SDK1: variants seen among roughly 807,000 people sequenced by gnomAD.
The protein encoded by SDK1 is sidekick cell adhesion molecule 1.
In SDK1, 157 loss-of-function variants were observed where a neutral mutation model predicts 245.5. The ratio of observed to expected loss-of-function variants is 0.64; its 90% CI spans 0.56 to 0.73. The LOEUF is 0.73. Among genes scored for constraint, SDK1 ranks in the 30% least tolerant of loss-of-function variants. SDK1 has a pLI of 0.00. For missense variants in SDK1, 3,583 were observed against 3,002.3 expected (o/e 1.19, Z -4.52); for synonymous variants, 1,647 against 1,278.5 (o/e 1.29, Z -6.15).
chr7:3,425,255 C>T (rs1018405763), intron 1 of SDK1, among the ~76,000 whole-genome samples: 1 of 152,012 alleles, frequency 6.6e-6, no homozygotes, highest in African/African-American at 2.4e-5. Flanking sequence ...TCCTATGGCA[C>T]TGATTTACAC....
intron 5 of SDK1, among the ~76,000 whole-genome samples, chr7:3,942,592 T>TAA (rs11394376): frequency 1.4e-4 from 22 of 152,036 alleles, no homozygotes; most frequent in Admixed American, 3.3e-4. Context: ...GTGTGTGTTT[T>TAA]AAAAAAATGT....
intron 1 of SDK1, among the ~76,000 whole-genome samples, chr7:3,612,786 C>A (rs1256963958): frequency 6.6e-6 from 1 of 152,148 alleles, no homozygotes; most frequent in Non-Finnish European, 1.5e-5. Context: ...ACTCCATTCA[C>A]ACTGGCATTC....
At chr7:4,120,663 C>A (rs555862139) in intron 25 of SDK1, among the ~76,000 whole-genome samples, 3 of 150,952 alleles carry the variant, frequency 2.0e-5, no homozygotes, top group Non-Finnish European at 3.0e-5. Flanking sequence ...GTCACCTGGG[C>A]TGGAGTGCAG....
At chr7:3,596,764 C>G (rs1781081098) in intron 1 of SDK1, among the ~76,000 whole-genome samples, 1 of 152,190 alleles carries the variant, frequency 6.6e-6, no homozygotes, top group Non-Finnish European at 1.5e-5. Flanking sequence ...AAGACTAATT[C>G]TGGAATCAGA....
intron 1 of SDK1, among the ~76,000 whole-genome samples, chr7:3,368,134 A>C (rs1236519592): frequency 6.6e-6 from 1 of 152,234 alleles, no homozygotes; most frequent in Non-Finnish European, 1.5e-5. Context: ...AATTAGTCCT[A>C]GTAATAATGG....
intron 14 of SDK1, among the ~76,000 whole-genome samples, chr7:3,997,876 C>T (rs1164848875): frequency 6.6e-6 from 1 of 152,200 alleles, no homozygotes; most frequent in African/African-American, 2.4e-5. Flanking sequence ...CTCATGCTCG[C>T]CCTGACTTTG....
chr7:4,042,876 T>A (rs1788733668), intron 17 of SDK1, among the ~76,000 whole-genome samples: 3 of 152,244 alleles, frequency 2.0e-5, no homozygotes, highest in Admixed American at 2.0e-4. Flanking sequence ...CATTTTTAAT[T>A]CCATTGTCCA....
chr7:3,405,389 G>A lies in SDK1; in HGVS notation c.298+103505G>A, dbSNP rs185541062. On this transcript the variant is annotated intron_variant, in intron 1 of 44. Coordinates refer to ENST00000404826, the MANE Select transcript of SDK1 (RefSeq NM_152744.4). The stretch of plus-strand genomic sequence containing the variant: ...GAGCACAGATTTTAAACACTGAAGT[G>A]CCCAAGTTGCATGCAAACAGGCTGT... 1.2e-3 allele frequency among the ~76,000 whole-genome samples: 189 copies of A among 152,188 alleles called. 1 individual carries two copies. The highest frequency in any genetic ancestry group is 4.4e-3 in the African/African-American group (181 of 41,538).
Position 4,266,767 on chromosome 7 carries a change from A to G in SDK1, c.*1383A>G. The G allele has an allele frequency of 1.0e-6, 1 of 985,428 alleles. No homozygotes were observed. Among genetic ancestry groups the G allele is most frequent in the Non-Finnish European group, 1.2e-6 (1 of 829,936 alleles). 61.0% of individuals were successfully genotyped at this position (985,428 alleles called of 1,614,324 possible). A position where few individuals can be genotyped will look rare whatever the true frequency, so the allele number is the denominator to read the frequency against. On this transcript the variant is annotated 3_prime_UTR_variant, in exon 45 of 45. Coordinates refer to ENST00000404826, the MANE Select transcript of SDK1 (RefSeq NM_152744.4). Reference sequence around the variant, plus strand: ...TCCCGGGTCTGGATGGAACGGGAGCACTGCTGGTGCCCACTGGCGTGTGTG... The same window carrying G: ...TCCCGGGTCTGGATGGAACGGGAGCGCTGCTGGTGCCCACTGGCGTGTGTG...
intron 2 of SDK1, among the ~76,000 whole-genome samples, chr7:3,635,305 C>A (rs1305448477): frequency 3.3e-5 from 5 of 152,138 alleles, no homozygotes; most frequent in Non-Finnish European, 7.4e-5. Context: ...ATTAATCCTT[C>A]CCTAGGAGCT....
chr7:4,265,133 TCTGA>T lies in SDK1; in HGVS notation c.6394_6397del (p.Asp2132ThrfsTer11), dbSNP rs1339117323. The T allele has an allele frequency of 6.2e-7, 1 of 1,611,784 alleles. No individual in the cohort carries two copies. Among genetic ancestry groups the T allele is most frequent in the East Asian group, 2.2e-5 (1 of 44,848 alleles). On this transcript the variant is annotated frameshift_variant, in exon 45 of 45. Transcript: ENST00000404826. LOFTEE classifies it high-confidence loss of function. The stretch of plus-strand genomic sequence containing the variant: ...CTCCCGCTCCCCGCAGGCCACGGAC[TCTGA>T]CTACGAGGACGCGCTGCCCAAGCAC...
At chr7:3,829,776 C>G (rs1241504275) in intron 5 of SDK1, among the ~76,000 whole-genome samples, 3 of 152,170 alleles carry the variant, frequency 2.0e-5, no homozygotes, top group Non-Finnish European at 4.4e-5. Flanking sequence ...AGGAAGTCTT[C>G]TGTTCTGATA....
At chr7:3,857,959 A>G (rs1178948858) in intron 5 of SDK1, among the ~76,000 whole-genome samples, 2 of 152,246 alleles carry the variant, frequency 1.3e-5, no homozygotes, top group Non-Finnish European at 2.9e-5. Context: ...AAATAGTGTG[A>G]TATACCATAT....
intron 13 of SDK1, among the ~76,000 whole-genome samples, chr7:3,983,521 C>G (rs992532110): frequency 1.3e-5 from 2 of 152,146 alleles, no homozygotes; most frequent in African/African-American, 4.8e-5. Context: ...GTTTTTTAGA[C>G]ATAATGCTAT....
chr7:3,923,819 CTG>C (rs1779675978), intron 5 of SDK1, among the ~76,000 whole-genome samples: 1 of 152,200 alleles, frequency 6.6e-6, no homozygotes, highest in East Asian at 1.9e-4. Flanking sequence ...ATTCTGACCT[CTG>C]TGGAGTTTGC....
chr7:3,422,777 G>A (rs867027926), intron 1 of SDK1, among the ~76,000 whole-genome samples: 1 of 152,226 alleles, frequency 6.6e-6, no homozygotes, highest in Non-Finnish European at 1.5e-5. Context: ...GGATGTGGGA[G>A]AGGAAATGAT....
chr7:4,018,180 G>A (rs773978613), intron 17 of SDK1, among the ~76,000 whole-genome samples: 5 of 152,164 alleles, frequency 3.3e-5, no homozygotes, highest in African/African-American at 7.2e-5. Flanking sequence ...TTCACTCTGC[G>A]ATTTATGCCC....
intron 1 of SDK1, among the ~76,000 whole-genome samples, chr7:3,444,395 C>T (rs1463963270): frequency 2.0e-5 from 3 of 152,016 alleles, no homozygotes; most frequent in Non-Finnish European, 2.9e-5. Flanking sequence ...TCTCTTCTTT[C>T]TTATTTTTGT....
At chr7:4,076,148 A>G (rs1157948957) in intron 20 of SDK1, among the ~76,000 whole-genome samples, 1 of 152,252 alleles carries the variant, frequency 6.6e-6, no homozygotes, top group Non-Finnish European at 1.5e-5. Context: ...GTGCATTGCA[A>G]AATGTAAGAG....
Sources: gnomAD v4.1 joint callset for allele counts (sites outside exome capture counted in the v4.1 genomes callset) on GRCh38, gnomAD v4.1.1 for gene constraint, MANE v1.5 for transcripts, NCBI Gene and HGNC (gene_info 2026-07-23, HGNC 2026-07-21) for gene names.